The following ATXN8OS variants were observed in gnomAD, a reference collection of about 807,000 sequenced individuals.
ATXN8OS encodes ATXN8 opposite strand lncRNA, also known as ATXN8 opposite strand (non-protein coding).
At chr13:70,123,444 T>C (rs953290745) in intron 2 of ATXN8OS, among the ~76,000 whole-genome samples, 1 of 152,096 alleles carries the variant, frequency 6.6e-6, no homozygotes, top group African/African-American at 2.4e-5. Context: ...CTATTGAAGG[T>C]ATTACCTATT....
intron 4 of ATXN8OS, among the ~76,000 whole-genome samples, chr13:70,155,874 G>C (rs913871963): frequency 2.0e-5 from 3 of 150,640 alleles, no homozygotes; most frequent in Non-Finnish European, 4.4e-5. Context: ...AAAAAAGTAT[G>C]TTTTATTTCT....
intron 4 of ATXN8OS, among the ~76,000 whole-genome samples, chr13:70,147,773 G>A (rs1162575809): frequency 6.6e-6 from 1 of 152,132 alleles, no homozygotes; most frequent in Admixed American, 6.6e-5. Context: ...ACAGCCTCGG[G>A]AGGTCCTGAG....
At chr13:70,114,711 T>G (rs566766575) in intron 1 of ATXN8OS, among the ~76,000 whole-genome samples, 1 of 152,180 alleles carries the variant, frequency 6.6e-6, no homozygotes, top group Non-Finnish European at 1.5e-5. Flanking sequence ...TATTATTTTA[T>G]GACATCCTAC....
chr13:70,108,474 C>G (rs1219640928), intron 1 of ATXN8OS: 2 of 152,400 alleles, frequency 1.3e-5, no homozygotes, highest in African/African-American at 4.8e-5. Flanking sequence ...TGCCTCAGCG[C>G]CTCCTCCTCC....
intron 3 of ATXN8OS, among the ~76,000 whole-genome samples, chr13:70,130,314 T>C (rs753967882): frequency 2.6e-5 from 4 of 152,204 alleles, no homozygotes; most frequent in African/African-American, 7.2e-5. Context: ...TACTCAACCA[T>C]GACTTTAAAA....
At chr13:70,153,328 A>C (rs1888895370) in intron 4 of ATXN8OS, among the ~76,000 whole-genome samples, 1 of 152,102 alleles carries the variant, frequency 6.6e-6, no homozygotes, top group African/African-American at 2.4e-5. Flanking sequence ...TAATCCTAGC[A>C]CTTTGGGAGG....
At chr13:70,122,540 T>C (rs996338214) in intron 2 of ATXN8OS, among the ~76,000 whole-genome samples, 1 of 151,988 alleles carries the variant, frequency 6.6e-6, no homozygotes, top group African/African-American at 2.4e-5. Context: ...AGAAGATTCA[T>C]AAAACAAATG....
At chr13:70,137,999 A>G (rs1354003927) in intron 3 of ATXN8OS, among the ~76,000 whole-genome samples, 1 of 152,170 alleles carries the variant, frequency 6.6e-6, no homozygotes, top group African/African-American at 2.4e-5. Context: ...AGTGCTACAC[A>G]CTTTTAAATG....
chr13:70,110,961 G>C (rs1279004224), intron 1 of ATXN8OS, among the ~76,000 whole-genome samples: 1 of 152,112 alleles, frequency 6.6e-6, no homozygotes, highest in Non-Finnish European at 1.5e-5. Flanking sequence ...AACACACTTT[G>C]TTTTAAAGAC....
At chr13:70,147,770 C>T (rs1011490421) in intron 4 of ATXN8OS, among the ~76,000 whole-genome samples, 4 of 152,062 alleles carry the variant, frequency 2.6e-5, no homozygotes, top group African/African-American at 4.8e-5. Flanking sequence ...GACACAGCCT[C>T]GGGAGGTCCT....
chr13:70,135,929 A>G (rs979438031), intron 3 of ATXN8OS, among the ~76,000 whole-genome samples: 4 of 152,222 alleles, frequency 2.6e-5, no homozygotes, highest in Non-Finnish European at 5.9e-5. Flanking sequence ...CACAAATTAA[A>G]TTAATGATAT....
At chr13:70,114,377 T>C (rs1888244632) in intron 1 of ATXN8OS, among the ~76,000 whole-genome samples, 1 of 152,140 alleles carries the variant, frequency 6.6e-6, no homozygotes, top group South Asian at 2.1e-4. Context: ...AAATATGACA[T>C]GGACTTCACA....
intron 4 of ATXN8OS, among the ~76,000 whole-genome samples, chr13:70,159,536 T>TATTATGGA (rs1286773524): frequency 1.3e-5 from 2 of 152,140 alleles, no homozygotes; most frequent in Non-Finnish European, 2.9e-5. Context: ...ACTTTATGAT[T>TATTATGGA]ATTATGGATT....
intron 2 of ATXN8OS, among the ~76,000 whole-genome samples, chr13:70,125,414 G>A (rs780030176): frequency 1.3e-5 from 2 of 151,894 alleles, no homozygotes; most frequent in Admixed American, 6.6e-5. Flanking sequence ...TTTTCCTTAC[G>A]AGGTAAACGC....
chr13:70,170,048 A>G (rs1223081670), exon 5 of ATXN8OS, among the ~76,000 whole-genome samples: 1 of 152,148 alleles, frequency 6.6e-6, no homozygotes, highest in Non-Finnish European at 1.5e-5. Flanking sequence ...GTGAACAGCG[A>G]GAGAAAGCAT....
At chr13:70,134,723 G>T (rs1158171968) in intron 3 of ATXN8OS, among the ~76,000 whole-genome samples, 2 of 152,202 alleles carry the variant, frequency 1.3e-5, no homozygotes, top group East Asian at 3.9e-4. Flanking sequence ...GCGTGCCTCA[G>T]TCCACCATGG....
rs575323121 is a variant in ATXN8OS at position 70,136,584 on chromosome 13, C to G, written n.499+6700C>G. Reference sequence around the variant, plus strand: ...GTTCTTACAATTTTAAAAATCTCCTCGTATTCAGGAAATCATCAAGACCGC... The same window carrying G: ...GTTCTTACAATTTTAAAAATCTCCTGGTATTCAGGAAATCATCAAGACCGC... On this transcript the variant is annotated intron_variant and non_coding_transcript_variant, in intron 3 of 4. Coordinates refer to ENST00000678624, the Ensembl canonical transcript of ATXN8OS. Among the ~76,000 whole-genome samples, 8 of 152,064 alleles carry G rather than the reference C, an allele frequency of 5.3e-5. No individual in the cohort carries two copies. In the South Asian group the frequency reaches 1.5e-3, roughly 28 times the overall value.
chr13:70,126,047 A>G (rs1888429228), intron 2 of ATXN8OS, among the ~76,000 whole-genome samples: 2 of 152,136 alleles, frequency 1.3e-5, no homozygotes, highest in Non-Finnish European at 2.9e-5. Context: ...GACTATTACA[A>G]GAAGGACCTT....
At chr13:70,135,006 CTAT>C (rs1240946056) in intron 3 of ATXN8OS, among the ~76,000 whole-genome samples, 3 of 152,162 alleles carry the variant, frequency 2.0e-5, no homozygotes, top group African/African-American at 7.2e-5. Flanking sequence ...GTGCCCATTC[CTAT>C]TCTTATGTGG....
Sources: gnomAD v4.1 joint callset for allele counts (sites outside exome capture counted in the v4.1 genomes callset) on GRCh38, gnomAD v4.1.1 for gene constraint, MANE v1.5 for transcripts, NCBI Gene and HGNC (gene_info 2026-07-23, HGNC 2026-07-21) for gene names.